GPC5: variants seen among roughly 807,000 people sequenced by gnomAD.
GPC5 encodes the protein glypican-5.
A neutral mutation model predicts 53.9 loss-of-function variants in GPC5; 47 were observed. The observed-to-expected ratio is 0.87, with a 90% CI of 0.69 to 1.11. The LOEUF (loss-of-function observed/expected upper bound fraction) is 1.11. Among genes scored for constraint, GPC5 ranks in the 50% most tolerant of loss-of-function variants. GPC5 has a pLI of 0.00. For missense variants in GPC5, 748 were observed against 713.1 expected, an observed-to-expected ratio of 1.05 and a Z score of -0.56; for synonymous variants, 286 against 263.3, an observed-to-expected ratio of 1.09 and a Z score of -0.84.
chr13:92,196,621 T>C lies in GPC5; in HGVS notation c.1561+51632T>C, dbSNP rs117178218. 8.2e-4 allele frequency among the ~76,000 whole-genome samples: 125 copies of C among 152,330 alleles called. No homozygotes were observed. In the East Asian group the frequency reaches 0.015, roughly 18 times the overall value. On this transcript the variant is annotated intron_variant, in intron 7 of 7. Coordinates refer to ENST00000377067, the MANE Select transcript of GPC5 (RefSeq NM_004466.6). Reference sequence around the variant, plus strand: ...TCACTTTTGTTTGTAAAACTTTTCCTATGGCCCCTCTGTTCACAATCCAAA... The same window carrying C: ...TCACTTTTGTTTGTAAAACTTTTCCCATGGCCCCTCTGTTCACAATCCAAA...
chr13:91,603,295 G>T (rs772582556), intron 2 of GPC5, among the ~76,000 whole-genome samples: 22 of 152,262 alleles, frequency 1.4e-4, no homozygotes, highest in Non-Finnish European at 1.3e-4. Context: ...TGTGCTGCCA[G>T]CAGCTTGGCA....
At chr13:92,334,022 C>T (rs139761573) in intron 7 of GPC5, among the ~76,000 whole-genome samples, 163 of 152,240 alleles carry the variant, frequency 1.1e-3, no homozygotes, top group African/African-American at 3.8e-3. Flanking sequence ...CATTAAGCAT[C>T]ATACTGGAAG....
At chr13:92,710,248 T>C (rs1888087213) in intron 7 of GPC5, among the ~76,000 whole-genome samples, 1 of 152,140 alleles carries the variant, frequency 6.6e-6, no homozygotes, top group South Asian at 2.1e-4. Flanking sequence ...TTAAAGGAAG[T>C]TGTGAAAATC....
intron 7 of GPC5, among the ~76,000 whole-genome samples, chr13:92,429,037 A>G (rs1366120795): frequency 6.6e-6 from 1 of 152,126 alleles, no homozygotes; most frequent in East Asian, 1.9e-4. Context: ...AATTTCATGC[A>G]TTACAACAAA....
At chr13:92,747,999 T>C (rs1176250876) in intron 7 of GPC5, among the ~76,000 whole-genome samples, 1 of 152,180 alleles carries the variant, frequency 6.6e-6, no homozygotes, top group Non-Finnish European at 1.5e-5. Context: ...GTCAGTTTTC[T>C]TTGAATAACC....
chr13:92,455,430 T>G (rs1256503177), intron 7 of GPC5, among the ~76,000 whole-genome samples: 2 of 152,200 alleles, frequency 1.3e-5, no homozygotes, highest in Non-Finnish European at 2.9e-5. Context: ...TGAATACCAC[T>G]GAAATAGATA....
At chr13:92,574,932 G>A (rs917759730) in intron 7 of GPC5, among the ~76,000 whole-genome samples, 4 of 152,142 alleles carry the variant, frequency 2.6e-5, no homozygotes, top group African/African-American at 7.2e-5. Flanking sequence ...AGAAAGGGAC[G>A]CTGGAAAGAG....
chr13:92,396,054 T>G (rs1875255723), intron 7 of GPC5, among the ~76,000 whole-genome samples: 1 of 116,230 alleles, frequency 8.6e-6, no homozygotes, highest in Non-Finnish European at 1.8e-5. Flanking sequence ...TATTTCATTC[T>G]GTTGTTTCTT....
At chr13:91,640,251 C>G (rs146811352) in intron 2 of GPC5, among the ~76,000 whole-genome samples, 2,375 of 152,082 alleles carry the variant, frequency 0.016, 25 homozygotes, top group Non-Finnish European at 0.024. Context: ...TGATAAAGGT[C>G]TAGTATCTAG....
At chr13:92,441,146 A>C (rs1332294342) in intron 7 of GPC5, among the ~76,000 whole-genome samples, 1 of 152,062 alleles carries the variant, frequency 6.6e-6, no homozygotes, top group Non-Finnish European at 1.5e-5. Context: ...ATCTCGGCTC[A>C]CTGCAACCTC....
At chr13:91,895,956 G>A (rs913822551) in intron 5 of GPC5, among the ~76,000 whole-genome samples, 1 of 151,962 alleles carries the variant, frequency 6.6e-6, no homozygotes, top group African/African-American at 2.4e-5. Context: ...TCCTGGGCTT[G>A]TGGCAGCATC....
chr13:92,473,351 C>A (rs981518582), intron 7 of GPC5, among the ~76,000 whole-genome samples: 3 of 152,090 alleles, frequency 2.0e-5, no homozygotes, highest in African/African-American at 7.2e-5. Context: ...TTCTCTTCAG[C>A]TCCAGTGTAG....
chr13:92,588,769 A>G (rs9561092), intron 7 of GPC5, among the ~76,000 whole-genome samples: 44,387 of 152,064 alleles, frequency 0.29, 8,483 homozygotes, highest in East Asian at 0.73. Flanking sequence ...TAATTATCTG[A>G]AAATTGTCCC....
At chr13:92,573,539 T>C (rs1371677321) in intron 7 of GPC5, among the ~76,000 whole-genome samples, 2 of 152,160 alleles carry the variant, frequency 1.3e-5, no homozygotes, top group African/African-American at 2.4e-5. Flanking sequence ...TCTTCAATAT[T>C]TACTCTGTGC....
At chr13:92,747,355 G>C (rs1889265235) in intron 7 of GPC5, among the ~76,000 whole-genome samples, 1 of 152,038 alleles carries the variant, frequency 6.6e-6, no homozygotes, top group African/African-American at 2.4e-5. Context: ...AGAGATAAAA[G>C]AAATTAATAA....
At chr13:92,457,599 G>A (rs1233044726) in intron 7 of GPC5, among the ~76,000 whole-genome samples, 1 of 152,116 alleles carries the variant, frequency 6.6e-6, no homozygotes, top group Non-Finnish European at 1.5e-5. Context: ...GATAATTATA[G>A]GATGAATTCC....
At chr13:92,255,085 G>C (rs1467620897) in intron 7 of GPC5, among the ~76,000 whole-genome samples, 2 of 152,114 alleles carry the variant, frequency 1.3e-5, no homozygotes, top group Non-Finnish European at 2.9e-5. Flanking sequence ...AAAGTATACA[G>C]GAGGAGATGC....
intron 7 of GPC5, among the ~76,000 whole-genome samples, chr13:92,559,963 C>A (rs1882642176): frequency 6.6e-6 from 1 of 151,070 alleles, no homozygotes; most frequent in African/African-American, 2.4e-5. Flanking sequence ...TTCAAAAATG[C>A]AAGCAGAAGA....
chr13:92,304,198 ACTTT>A (rs1396720816), intron 7 of GPC5, among the ~76,000 whole-genome samples: 1 of 148,382 alleles, frequency 6.7e-6, no homozygotes, highest in East Asian at 2.0e-4. Flanking sequence ...ATGACCATTT[ACTTT>A]CTTTTTTTTT....
Sources: allele counts gnomAD v4.1 joint callset (sites outside exome capture counted in the v4.1 genomes callset), GRCh38; gene constraint gnomAD v4.1.1; transcripts MANE v1.5; gene names NCBI Gene and HGNC (gene_info 2026-07-23, HGNC 2026-07-21).